Variants in MAP7D3 observed in about 807,000 individuals in gnomAD.
MAP7D3 encodes MAP7 domain-containing protein 3.
Under a neutral mutation model 62.2 loss-of-function variants are expected in MAP7D3, and 45 were observed. The observed-to-expected ratio is 0.72, with a 90% confidence interval of 0.57 to 0.93. MAP7D3 has a LOEUF of 0.93. Among genes scored for constraint, MAP7D3 ranks in the 40% least tolerant of loss-of-function variants. The pLI, the probability that MAP7D3 is intolerant of heterozygous loss-of-function variation, is 0.00. For missense variants in MAP7D3, 711 were observed against 683.1 expected, an observed-to-expected ratio of 1.04 and a Z score of -0.45; for synonymous variants, 288 against 248.8, an observed-to-expected ratio of 1.16 and a Z score of -1.48.
At chrX:136,251,524 C>G (rs1279818829), upstream of MAP7D3, 23 of 840,740 alleles carry the variant, frequency 2.7e-5, no homozygotes, top group Non-Finnish European at 3.0e-5. Flanking sequence ...GCGAACCGGG[C>G]AGGATTGCCC....
chrX:136,239,790 C>A (rs1010358484), intron 6 of MAP7D3, among the ~76,000 whole-genome samples: 9 of 112,372 alleles, frequency 8.0e-5, no homozygotes, highest in African/African-American at 2.9e-4. Context: ...AACTAATCTT[C>A]AAATAAATAA....
rs1203307120 is a variant in MAP7D3 at position 136,227,256 on chromosome X, C to A, written c.2034+28G>T. On this transcript the variant is annotated intron_variant, in intron 12 of 18. Coordinates refer to ENST00000316077, the MANE Select transcript of MAP7D3 (RefSeq NM_024597.4). The stretch of plus-strand genomic sequence containing the variant: ...CTGAACTTTATAATCTGGTTCTCAT[C>A]CCCTGATAAAGTGTCAAGTCAGCAA... 3 of 1,198,017 alleles carry A rather than the reference C, an allele frequency of 2.5e-6. No homozygotes were observed. In the South Asian group the frequency reaches 5.4e-5, roughly 22 times the overall value.
In MAP7D3 at chrX:136,232,174, C is replaced by T. The variant is rs1295832988; in HGVS notation, c.783G>A (p.Leu261=). Residue 261 remains leucine, a synonymous_variant, in exon 8 of 19, where the codon TTG becomes TTA. Coordinates refer to ENST00000316077, the MANE Select transcript of MAP7D3 (RefSeq NM_024597.4). ...TCAATTCGTCGCTAGTACATTTACG[C>T]AAGGGTACAGTGACATACTGCATTA... ...NYVMQYVTVP[L]RKCTSDELRA... is the part of the protein sequence containing the mutation. 8.3e-7 allele frequency: 1 copy of T among 1,207,097 alleles called. No individual in the cohort carries two copies. Among genetic ancestry groups the T allele is most frequent in the African/African-American group, 1.7e-5 (1 of 57,201 alleles).
chrX:136,216,177 C>T (rs779368186), downstream of MAP7D3, among the ~76,000 whole-genome samples: 1 of 108,541 alleles, frequency 9.2e-6, no homozygotes, highest in Non-Finnish European at 1.9e-5. Flanking sequence ...AGAACCATCA[C>T]AGGGAAGAGT....
At chrX:136,254,528 G>A (rs754141540), upstream of MAP7D3, among the ~76,000 whole-genome samples, 2 of 111,815 alleles carry the variant, frequency 1.8e-5, no homozygotes, top group Non-Finnish European at 3.8e-5. Context: ...CCTCAGTCCA[G>A]CCAGGGTGTA....
intron 5 of MAP7D3, 139 bp from the exon 6 acceptor site, chrX:136,240,625 C>A: frequency 2.3e-6 from 1 of 437,807 alleles, no homozygotes. Flanking sequence ...CACTGCCCGT[C>A]AATCCTTTTT....
At position 136,246,225 on chromosome X, in the gene MAP7D3, G is replaced by T; in HGVS notation, c.169+18C>A. On this transcript the variant is annotated intron_variant, in intron 2 of 18. Transcript: ENST00000316077. ...ATATGACACTTTGACATCTATCAAAGCATCAGAGAAATTATACCTGGTTTA... is the reference window on the plus strand; with the variant it reads ...ATATGACACTTTGACATCTATCAAATCATCAGAGAAATTATACCTGGTTTA... 8.7e-7 allele frequency: 1 copy of T among 1,148,685 alleles called. No individual in the cohort carries two copies. The allele number at this position is 1,148,685 out of a possible 1,213,427, so 94.7% of individuals were successfully genotyped here.
intron 18 of MAP7D3, 102 bp from the exon 19 acceptor site, chrX:136,218,595 G>A (rs2074086579): frequency 8.9e-6 from 1 of 111,907 alleles, no homozygotes; most frequent in African/African-American, 3.2e-5. Context: ...AGGACTCTCA[G>A]CAGCCCCTCT....
intron 15 of MAP7D3, 110 bp downstream of exon 15, chrX:136,222,283 A>G: frequency 3.8e-6 from 2 of 521,178 alleles, no homozygotes; most frequent in South Asian, 8.5e-5. Context: ...TTCAGATGGG[A>G]AAAACTCAGC....
chrX:136,228,813 A>G, intron 10 of MAP7D3, 55 bp from the exon 11 acceptor site: 3 of 998,661 alleles, frequency 3.0e-6, no homozygotes. Flanking sequence ...TCTCACTCCA[A>G]CAAAGAAGTG....
intron 12 of MAP7D3, among the ~76,000 whole-genome samples, chrX:136,226,742 C>A (rs2074201826): frequency 1.8e-5 from 2 of 111,946 alleles, no homozygotes; most frequent in Admixed American, 9.5e-5. Flanking sequence ...TTGCTGTTTT[C>A]TGCTTATTTC....
In MAP7D3 at chrX:136,244,693, T is replaced by C; in HGVS notation, c.356A>G (p.Lys119Arg). Reference sequence around the variant, plus strand: ...TGCAGCTATTCTCCGTTGTTCTTCTTTCTCTTTTCGCTCCTTCAGCTTTCT... The same window carrying C: ...TGCAGCTATTCTCCGTTGTTCTTCTCTCTCTTTTCGCTCCTTCAGCTTTCT... ...RQRKLKERKE[K>R]EEQRRIAAEE... The change falls in exon 4 of 19, where the codon AAA becomes AGA. Residue 119 changes from lysine (K) to arginine (R), a missense_variant. Transcript: ENST00000316077. 4 of 1,209,907 alleles carry C rather than the reference T, an allele frequency of 3.3e-6. No individual in the cohort carries two copies. Among genetic ancestry groups the C allele is most frequent in the Non-Finnish European group, 4.5e-6 (4 of 893,871 alleles).
intron 6 of MAP7D3, among the ~76,000 whole-genome samples, chrX:136,239,251 T>C (rs960201279): frequency 3.6e-5 from 4 of 112,274 alleles, no homozygotes; most frequent in Non-Finnish European, 7.5e-5. Flanking sequence ...GTATAGATTT[T>C]TCTTTTAATA....
intron 15 of MAP7D3, 106 bp from the exon 16 acceptor site, chrX:136,221,069 A>C: frequency 5.2e-6 from 3 of 580,274 alleles, no homozygotes; most frequent in Non-Finnish European, 8.6e-6. Context: ...TGCCTGCCTG[A>C]AGGCAGGAAG....
At chrX:136,247,151 T>A (rs1248826028) in intron 1 of MAP7D3, among the ~76,000 whole-genome samples, 1 of 112,261 alleles carries the variant, frequency 8.9e-6, no homozygotes, top group African/African-American at 3.2e-5. Flanking sequence ...GTGATAAACT[T>A]CAATAAGGGT....
chrX:136,240,305 T>C (rs962093163), intron 6 of MAP7D3, 77 bp downstream of exon 6: 27 of 588,273 alleles, frequency 4.6e-5, no homozygotes, highest in Non-Finnish European at 7.2e-5. Flanking sequence ...ACAATCTAAA[T>C]AGGTGGTACT....
At chrX:136,222,524 T>C in intron 14 of MAP7D3, 38 bp from the exon 15 acceptor site, 2 of 1,024,294 alleles carry the variant, frequency 2.0e-6, no homozygotes, top group Non-Finnish European at 2.7e-6. Context: ...ATGCCTAATA[T>C]TCAATCATCC....
intron 1 of MAP7D3, among the ~76,000 whole-genome samples, chrX:136,250,905 C>T (rs2074499444): frequency 9.0e-6 from 1 of 111,527 alleles, no homozygotes; most frequent in African/African-American, 3.2e-5. Context: ...GCGCGGGCGG[C>T]CACCGCCCCC....
chrX:136,241,604 T>C (rs772579432), intron 4 of MAP7D3, among the ~76,000 whole-genome samples: 1 of 111,836 alleles, frequency 8.9e-6, no homozygotes, highest in South Asian at 3.8e-4. Flanking sequence ...TCATACCTTA[T>C]GTTTTATTTG....
Sources: gnomAD v4.1 joint callset for allele counts (sites outside exome capture counted in the v4.1 genomes callset) on GRCh38, gnomAD v4.1.1 for gene constraint, MANE v1.5 for transcripts, NCBI Gene and HGNC (gene_info 2026-07-23, HGNC 2026-07-21) for gene names.